Variants in AGTPBP1 observed in about 807,000 individuals in gnomAD.
AGTPBP1 encodes the protein ATP/GTP binding carboxypeptidase 1, also known as cytosolic carboxypeptidase 1.
A neutral mutation model predicts 143.9 loss-of-function variants in AGTPBP1; 70 were observed. That is an observed-to-expected ratio of 0.49 (90% CI 0.40 to 0.59). The LOEUF is 0.59. Ranked by LOEUF, AGTPBP1 falls within the 20% of genes least tolerant of loss-of-function variation. AGTPBP1 has a pLI of 0.00. For synonymous variants in AGTPBP1, 463 were observed against 500.2 expected, an observed-to-expected ratio of 0.93 and a Z score of 0.99; for missense variants, 1,229 against 1,464.5, an observed-to-expected ratio of 0.84 and a Z score of 2.62.
chr9:85,649,297 C>T (rs535242963), intron 11 of AGTPBP1, among the ~76,000 whole-genome samples: 35 of 152,248 alleles, frequency 2.3e-4, no homozygotes, highest in South Asian at 6.2e-4. Flanking sequence ...AAGTACATCA[C>T]GGGAAGTTTA....
intron 18 of AGTPBP1, 137 bp from the exon 19 acceptor site, chr9:85,592,841 T>A (rs977588312): frequency 4.2e-6 from 4 of 958,916 alleles, no homozygotes; most frequent in Admixed American, 2.5e-5. Flanking sequence ...TACCCTATTT[T>A]AAAAAAACTT....
chr9:85,777,751 T>C, the AGTPBP1 span, among the ~76,000 whole-genome samples: 2 of 152,342 alleles, frequency 1.3e-5, no homozygotes, highest in African/African-American at 4.8e-5. Flanking sequence ...TCATGCTTCT[T>C]CCAAGTCCCT....
chr9:85,597,987 C>T (rs1461628195), intron 17 of AGTPBP1, among the ~76,000 whole-genome samples: 1 of 152,116 alleles, frequency 6.6e-6, no homozygotes, highest in Non-Finnish European at 1.5e-5. Flanking sequence ...AATTTTAAAA[C>T]TTTCCATCAC....
At chr9:85,614,419 CAG>C (rs1421099224) in intron 17 of AGTPBP1, among the ~76,000 whole-genome samples, 3 of 151,734 alleles carry the variant, frequency 2.0e-5, no homozygotes, top group South Asian at 4.2e-4. Context: ...CAAAGGTAAA[CAG>C]AAATATAAAA....
intron 8 of AGTPBP1, among the ~76,000 whole-genome samples, chr9:85,666,645 C>T (rs1834150946): frequency 6.6e-6 from 1 of 151,916 alleles, no homozygotes; most frequent in Non-Finnish European, 1.5e-5. Context: ...TGGATATACC[C>T]CATGTGGTAT....
intron 17 of AGTPBP1, among the ~76,000 whole-genome samples, chr9:85,610,809 T>C (rs978122469): frequency 6.6e-6 from 1 of 152,258 alleles, no homozygotes; most frequent in Non-Finnish European, 1.5e-5. Flanking sequence ...TTGCTAGTTA[T>C]AATTGCTTAC....
At chr9:85,563,132 G>A (rs892581238) in intron 25 of AGTPBP1, among the ~76,000 whole-genome samples, 4 of 152,106 alleles carry the variant, frequency 2.6e-5, no homozygotes, top group East Asian at 3.9e-4. Context: ...TCCAGTGTAC[G>A]GTATTTTGTC....
intron 18 of AGTPBP1, 57 bp downstream of exon 18, chr9:85,596,305 G>A (rs1000325168): frequency 2.3e-5 from 27 of 1,171,846 alleles, no homozygotes; most frequent in Non-Finnish European, 3.3e-5. Context: ...GAAACAGGAT[G>A]TACTTAATAC....
intron 17 of AGTPBP1, among the ~76,000 whole-genome samples, chr9:85,602,451 A>G (rs73475780): frequency 0.041 from 6,274 of 152,278 alleles, 448 homozygotes; most frequent in African/African-American, 0.14. Context: ...TCAGACACAA[A>G]TAAAGAAAAA....
At chr9:85,677,155 A>G (rs1199376364) in intron 6 of AGTPBP1, among the ~76,000 whole-genome samples, 1 of 152,206 alleles carries the variant, frequency 6.6e-6, no homozygotes, top group Non-Finnish European at 1.5e-5. Context: ...ATAATTTATT[A>G]TATATTTTAA....
At chr9:85,673,253 G>A (rs1159558415) in intron 6 of AGTPBP1, among the ~76,000 whole-genome samples, 1 of 151,970 alleles carries the variant, frequency 6.6e-6, no homozygotes, top group East Asian at 1.9e-4. Context: ...GAAGGAGGAT[G>A]GAGGCTAGAG....
At chr9:85,728,035 A>G (rs1332244034) in intron 1 of AGTPBP1, among the ~76,000 whole-genome samples, 2 of 107,458 alleles carry the variant, frequency 1.9e-5, no homozygotes, top group Admixed American at 1.7e-4. Flanking sequence ...TTATATACAC[A>G]CACACACACA....
At chr9:85,582,451 C>T (rs1032817574) in intron 23 of AGTPBP1, among the ~76,000 whole-genome samples, 12 of 152,020 alleles carry the variant, frequency 7.9e-5, no homozygotes, top group Non-Finnish European at 1.6e-4. Context: ...CCGAGGCAGG[C>T]GGATCATTTG....
At chr9:85,715,424 G>C (rs1373814893) in intron 1 of AGTPBP1, among the ~76,000 whole-genome samples, 1 of 152,064 alleles carries the variant, frequency 6.6e-6, no homozygotes, top group Non-Finnish European at 1.5e-5. Context: ...TCAGAAACAA[G>C]GACGACAGAG....
intron 2 of AGTPBP1, among the ~76,000 whole-genome samples, chr9:85,705,933 G>A (rs1016707322): frequency 9.2e-5 from 14 of 151,678 alleles, no homozygotes; most frequent in Non-Finnish European, 1.6e-4. Context: ...CTTGTGATCC[G>A]CCCGCCTCGG....
chr9:85,685,457 T>G (rs1835432092), intron 3 of AGTPBP1, among the ~76,000 whole-genome samples: 1 of 151,810 alleles, frequency 6.6e-6, no homozygotes, highest in Non-Finnish European at 1.5e-5. Context: ...CATAAAATGG[T>G]GGAAACACAA....
intron 17 of AGTPBP1, among the ~76,000 whole-genome samples, chr9:85,607,912 T>C (rs1364383261): frequency 6.6e-6 from 1 of 152,050 alleles, no homozygotes. Flanking sequence ...TAGAAAAAAA[T>C]ACATGCTTCT....
chr9:85,643,131 T>C (rs1470944206), intron 12 of AGTPBP1, 188 bp from the exon 13 acceptor site: 1 of 540,558 alleles, frequency 1.8e-6, no homozygotes, highest in East Asian at 3.1e-5. Flanking sequence ...TGTGTTATTG[T>C]TGGGTAGTTT....
chr9:85,779,235 A>T, the AGTPBP1 span, among the ~76,000 whole-genome samples: 1 of 112,316 alleles, frequency 8.9e-6, no homozygotes, highest in Non-Finnish European at 2.0e-5. Context: ...ATATAGATAT[A>T]GATATAGATA....
Sources: gnomAD v4.1 joint callset for allele counts (sites outside exome capture counted in the v4.1 genomes callset) on GRCh38, gnomAD v4.1.1 for gene constraint, MANE v1.5 for transcripts, NCBI Gene and HGNC (gene_info 2026-07-23, HGNC 2026-07-21) for gene names.